Variants in KCNJ6 observed in about 807,000 individuals in gnomAD.
KCNJ6 encodes the protein G protein-activated inward rectifier potassium channel 2.
Under a neutral mutation model 34.2 loss-of-function variants are expected in KCNJ6, and 9 were observed. That is an observed-to-expected ratio of 0.26 (90% CI 0.16 to 0.46). The LOEUF (loss-of-function observed/expected upper bound fraction) is 0.46, where lower values mean the gene tolerates loss of function less well. KCNJ6 is among the 20% of genes least tolerant of loss of function. The pLI is 1.00. For missense variants in KCNJ6, 236 were observed against 531.3 expected (o/e 0.44, Z 5.46); for synonymous variants, 196 against 207.1 (o/e 0.95, Z 0.46).
chr21:37,795,516 A>G (rs112841573), intron 2 of KCNJ6, among the ~76,000 whole-genome samples: 73,155 of 151,900 alleles, frequency 0.48, 18,244 homozygotes, highest in Middle Eastern at 0.55. Flanking sequence ...AGGCCGAGGC[A>G]GGTGGATCAC....
rs2055867091 is a variant in KCNJ6 at position 37,911,515 on chromosome 21, T to G, written c.-28+4369A>C. Among the ~76,000 whole-genome samples, 3 of 152,112 alleles carry G rather than the reference T, an allele frequency of 2.0e-5. No homozygotes were observed. The South Asian group carries it at 6.2e-4, about 32-fold the overall frequency. On this transcript the variant is annotated intron_variant, in intron 1 of 3. Transcript: ENST00000609713. ...AGCTATAAATCCAAATTCACTGAAT[T>G]TAAACATCTTAATTCCACCAAACTT...
rs908426664 is a variant in KCNJ6 at position 37,614,088 on chromosome 21, T to C, written c.*11071A>G. 7 of 152,052 alleles carry C rather than the reference T, an allele frequency of 4.6e-5. No individual in the cohort carries two copies. Among genetic ancestry groups the C allele is most frequent in the African/African-American group, 1.7e-4 (7 of 41,372 alleles). The allele number at this position is 152,052 out of a possible 1,614,324, so 9.4% of individuals were successfully genotyped here. ...TCTAAAAAATAAAATTTATCAAGTT[T>C]TTAAAAAAGGGGTGGAGGAAGCTAT... On this transcript the variant is annotated 3_prime_UTR_variant, in exon 4 of 4. Transcript: ENST00000609713.
chr21:37,648,275 G>A (rs940160146), intron 3 of KCNJ6, among the ~76,000 whole-genome samples: 3 of 152,208 alleles, frequency 2.0e-5, no homozygotes, highest in African/African-American at 2.4e-5. Flanking sequence ...TGTGGGCCGT[G>A]GAGGGGAGGA....
intron 2 of KCNJ6, among the ~76,000 whole-genome samples, chr21:37,748,363 T>C (rs1412148690): frequency 6.6e-6 from 1 of 152,172 alleles, no homozygotes; most frequent in Non-Finnish European, 1.5e-5. Context: ...AGCAAGCTCA[T>C]AAAAGAGATG....
Position 37,655,210 on chromosome 21 carries a change from TGTGTGTGTGTGTGTGAGAGAGAGA to T in KCNJ6, c.947-29750_947-29727del, listed in dbSNP as rs1569438801. Among the ~76,000 whole-genome samples the T allele has an allele frequency of 5.6e-4, 49 of 87,228 alleles. 1 individual carries two copies. The East Asian group carries it at 8.4e-3, about 15-fold the overall frequency. 57.2% of individuals were successfully genotyped at this position (87,228 alleles called of 152,430 possible). On this transcript the variant is annotated intron_variant, in intron 3 of 3. Coordinates refer to ENST00000609713, the MANE Select transcript of KCNJ6 (RefSeq NM_002240.5). ...GTGTGTGTGTGTGTGTGTGTGTGTG[TGTGTGTGTGTGTGTGAGAGAGAGA>T]GAGAGAGAGAGAGAGAGAGAGAGAG...
At chr21:37,807,368 G>A (rs1177999747) in intron 2 of KCNJ6, among the ~76,000 whole-genome samples, 2 of 152,152 alleles carry the variant, frequency 1.3e-5, no homozygotes, top group Non-Finnish European at 2.9e-5. Context: ...GTTTAGCCCT[G>A]GAGTGAGTTT....
rs1015394366 is a variant in KCNJ6, at chr21:37,617,281, T to C, written c.*7878A>G. ...TGGCCCAGGCTGGAGTGCAGTGGCATGATCTCAGCTTACTGCAACCTCCCC... is the reference window on the plus strand; with the variant it reads ...TGGCCCAGGCTGGAGTGCAGTGGCACGATCTCAGCTTACTGCAACCTCCCC... On this transcript the variant is annotated 3_prime_UTR_variant, in exon 4 of 4. Transcript: ENST00000609713. 6.6e-6 allele frequency: 1 copy of C among 151,186 alleles called. No individual in the cohort carries two copies. Among genetic ancestry groups the C allele is most frequent in the Non-Finnish European group, 1.5e-5 (1 of 67,874 alleles). The allele number at this position is 151,186 out of a possible 1,614,324, so 9.4% of individuals were successfully genotyped here. A position where few individuals can be genotyped will look rare whatever the true frequency, so the allele number is the denominator to read the frequency against.
At chr21:37,864,640 C>A (rs916538931) in intron 1 of KCNJ6, among the ~76,000 whole-genome samples, 6 of 152,138 alleles carry the variant, frequency 3.9e-5, no homozygotes, top group Non-Finnish European at 8.8e-5. Flanking sequence ...GGGACTCAGG[C>A]CCTTCTGGTA....
rs2055894378 is a variant in KCNJ6, at chr21:37,916,337, G to T, written c.-481C>A. The T allele has an allele frequency of 6.6e-6, 1 of 152,248 alleles. No individual in the cohort carries two copies. Among genetic ancestry groups the T allele is most frequent in the African/African-American group, 2.4e-5 (1 of 41,450 alleles). 9.4% of individuals were successfully genotyped at this position (152,248 alleles called of 1,614,324 possible). A position where few individuals can be genotyped will look rare whatever the true frequency, so the allele number is the denominator to read the frequency against. ...AAAAAAATCCCCGGTTAGGAGAAAA[G>T]TGGTGGACCACGCAGAGAGACGTCA... On this transcript the variant is annotated 5_prime_UTR_variant, in exon 1 of 4. Transcript: ENST00000609713.
In KCNJ6 at chr21:37,607,406, A is replaced by G. The variant is rs1288392095; in HGVS notation, c.*17753T>C. 6.6e-6 allele frequency: 1 copy of G among 150,520 alleles called. No homozygotes were observed. The highest frequency in any genetic ancestry group is 6.6e-5 in the Admixed American group (1 of 15,046). 9.3% of individuals were successfully genotyped at this position (150,520 alleles called of 1,614,324 possible). A position where few individuals can be genotyped will look rare whatever the true frequency, so the allele number is the denominator to read the frequency against. On this transcript the variant is annotated 3_prime_UTR_variant, in exon 4 of 4. Transcript: ENST00000609713. ...AATTTTTCTTTTATTGTTCCAGTCA[A>G]AAAAAGAGGAACACCTCAATATGTA...
chr21:37,855,273 T>G (rs7284047), intron 1 of KCNJ6, among the ~76,000 whole-genome samples: 105,284 of 152,124 alleles, frequency 0.69, 36,556 homozygotes, highest in Middle Eastern at 0.77. Flanking sequence ...TGCAGTGAGG[T>G]TGCAGTTCTT....
chr21:37,831,197 A>G (rs2254100), intron 2 of KCNJ6, among the ~76,000 whole-genome samples: 119,004 of 152,204 alleles, frequency 0.78, 47,187 homozygotes, highest in East Asian at 0.97. Context: ...TTTAAAAGAT[A>G]TTTTCCAGTA....
chr21:37,653,480 A>G, intron 3 of KCNJ6, among the ~76,000 whole-genome samples: 1 of 152,150 alleles, frequency 6.6e-6, no homozygotes, highest in East Asian at 1.9e-4. Context: ...AAGTTATGAC[A>G]AAGGAAGGGA....
At chr21:37,913,141 T>C (rs1287626255) in intron 1 of KCNJ6, among the ~76,000 whole-genome samples, 5 of 152,206 alleles carry the variant, frequency 3.3e-5, no homozygotes, top group Admixed American at 3.3e-4. Flanking sequence ...GTGACAGTTG[T>C]GGTGGTGGGG....
intron 2 of KCNJ6, among the ~76,000 whole-genome samples, chr21:37,796,011 T>C (rs140442578): frequency 8.5e-5 from 13 of 152,200 alleles, no homozygotes; most frequent in East Asian, 5.8e-4. Context: ...AATTGAGATG[T>C]AGAAGAATAA....
intron 1 of KCNJ6, among the ~76,000 whole-genome samples, chr21:37,912,630 G>A (rs1338929030): frequency 6.6e-6 from 1 of 152,156 alleles, no homozygotes; most frequent in Non-Finnish European, 1.5e-5. Context: ...TCTACTTTAG[G>A]TAGCAACCTT....
chr21:37,847,571 G>A (rs1303024965), intron 1 of KCNJ6, among the ~76,000 whole-genome samples: 2 of 152,202 alleles, frequency 1.3e-5, no homozygotes, highest in African/African-American at 4.8e-5. Flanking sequence ...GATAGAAGAG[G>A]ACATCCAGGT....
intron 2 of KCNJ6, among the ~76,000 whole-genome samples, chr21:37,739,648 T>C (rs943466352): frequency 2.0e-5 from 3 of 152,252 alleles, no homozygotes; most frequent in South Asian, 2.1e-4. Context: ...TTTTTTTGAG[T>C]GCTATGCAAG....
chr21:37,765,217 G>A (rs2055085068), intron 2 of KCNJ6, among the ~76,000 whole-genome samples: 1 of 152,086 alleles, frequency 6.6e-6, no homozygotes, highest in African/African-American at 2.4e-5. Flanking sequence ...CATATGACAT[G>A]CCACTGCACA....
Sources: gnomAD v4.1 joint callset for allele counts (sites outside exome capture counted in the v4.1 genomes callset) on GRCh38, gnomAD v4.1.1 for gene constraint, MANE v1.5 for transcripts, NCBI Gene and HGNC (gene_info 2026-07-23, HGNC 2026-07-21) for gene names.